The following SDK2 variants were observed in gnomAD, a reference collection of about 807,000 sequenced individuals.
SDK2 encodes the protein sidekick cell adhesion molecule 2.
In SDK2, 105 loss-of-function variants were observed where a neutral mutation model predicts 253.9. The observed-to-expected ratio is 0.41, with a 90% confidence interval of 0.35 to 0.49. SDK2 has a LOEUF of 0.49. Among genes scored for constraint, SDK2 ranks in the 20% least tolerant of loss-of-function variants. The pLI is 0.06. For missense variants in SDK2, 2,608 were observed against 3,003.0 expected, an observed-to-expected ratio of 0.87 and a Z score of 3.07; for synonymous variants, 1,249 against 1,234.9, an observed-to-expected ratio of 1.01 and a Z score of -0.24.
chr17:73,344,712 G>A (rs775001272), intron 44 of SDK2, among the ~76,000 whole-genome samples: 63 of 152,190 alleles, frequency 4.1e-4, no homozygotes, highest in Non-Finnish European at 7.2e-4. Context: ...TTTGGGCTGC[G>A]AGGATCTGGG....
At position 73,360,397 on chromosome 17, in the gene SDK2, G is replaced by A. The variant is rs143345258; in HGVS notation, c.5467+1287C>T. Among the ~76,000 whole-genome samples, 1,109 of 152,328 alleles carry A rather than the reference G, an allele frequency of 7.3e-3. 14 individuals carry two copies. The highest frequency in any genetic ancestry group is 0.025 in the African/African-American group (1,059 of 41,580). ...CTGAGTCAGGCTAATTGGGACTGCT[G>A]GGGAGGGGAGGCCTGCGCCATTCTT... is the stretch of plus-strand genomic sequence containing the variant. On this transcript the variant is annotated intron_variant, in intron 39 of 44. Transcript: ENST00000392650.
rs746281114 is a variant in SDK2, at chr17:73,365,240, GC to G, written c.5305+17del. ...GCAAAGTGGGGGGCTGGGGAGCTGT[GC>G]TGGGGGGTCCACTCACCATCCACGG... On this transcript the variant is annotated intron_variant, in intron 38 of 44. Coordinates refer to ENST00000392650, the MANE Select transcript of SDK2 (RefSeq NM_001144952.2). The G allele has an allele frequency of 6.3e-7, 1 of 1,576,416 alleles. No homozygotes were observed.
At chr17:73,454,608 C>T (rs1010743357) in intron 4 of SDK2, among the ~76,000 whole-genome samples, 3 of 152,106 alleles carry the variant, frequency 2.0e-5, no homozygotes, top group Non-Finnish European at 4.4e-5. Flanking sequence ...TGTGGCTGTC[C>T]GGAAAGAGAG....
Position 73,533,159 on chromosome 17 carries a change from G to A in SDK2, c.65-25562C>T, listed in dbSNP as rs143787929. Among the ~76,000 whole-genome samples, 7 of 152,296 alleles carry A rather than the reference G, an allele frequency of 4.6e-5. No homozygotes were observed. The East Asian group carries it at 1.4e-3, about 30-fold the overall frequency. On this transcript the variant is annotated intron_variant, in intron 1 of 44. Coordinates refer to ENST00000392650, the MANE Select transcript of SDK2 (RefSeq NM_001144952.2). The stretch of plus-strand genomic sequence containing the variant: ...CGCTCCATCAAGCAAGGCCCAGAGA[G>A]GTCCCCTCATCGGTATCCCCTTCGG...
Position 73,386,548 on chromosome 17 carries a change from C to A in SDK2, c.4395G>T (p.Arg1465Ser), listed in dbSNP as rs770757861. ...ACTTGTAGGACGTGAAGGGCTTCAG[C>A]CTGTAGGGAGAAATCAGGGCCAATG... is the stretch of plus-strand genomic sequence containing the variant. ...SHNASSFIVD[R>S]LKPFTSYKFR... The change falls in exon 31 of 45, where the codon AGG (arginine) becomes AGT (serine). Residue 1465 changes from arginine (R) to serine (S), a missense_variant and splice_region_variant. Physicochemically the swap from Arg to Ser is moderately radical, Grantham distance 110. This residue lies in a region of SDK2 where 1,103 missense variants were observed against 1,143.9 expected (regional missense o/e 0.96). Coordinates refer to ENST00000392650, the MANE Select transcript of SDK2 (RefSeq NM_001144952.2). 2 of 1,551,858 alleles carry A rather than the reference C, an allele frequency of 1.3e-6. No homozygotes were observed. The highest frequency in any genetic ancestry group is 1.4e-5 in the African/African-American group (1 of 73,094).
intron 3 of SDK2, among the ~76,000 whole-genome samples, chr17:73,466,966 C>T (rs1031509940): frequency 6.6e-6 from 1 of 152,186 alleles, no homozygotes; most frequent in Non-Finnish European, 1.5e-5. Flanking sequence ...GGACCTCCAT[C>T]CCCAAGACAT....
chr17:73,458,164 C>T (rs971638197), intron 3 of SDK2, among the ~76,000 whole-genome samples: 1 of 152,048 alleles, frequency 6.6e-6, no homozygotes, highest in African/African-American at 2.4e-5. Context: ...TTAATAGAAA[C>T]GAGGTCTTGT....
Position 73,455,923 on chromosome 17 carries a change from G to C in SDK2, c.462C>G (p.Ile154Met). 6.5e-7 allele frequency: 1 copy of C among 1,544,728 alleles called. No individual in the cohort carries two copies. The highest frequency in any genetic ancestry group is 8.7e-7 in the Non-Finnish European group (1 of 1,146,408). Residue 154 changes from isoleucine (I) to methionine (M), a missense_variant, in exon 4 of 45, where the codon ATC becomes ATG. This residue lies in a region of SDK2 where 1,505 missense variants were observed against 1,859.1 expected (regional missense o/e 0.81). Coordinates refer to ENST00000392650, the MANE Select transcript of SDK2 (RefSeq NM_001144952.2). The surrounding 1 kb of genome is among the most constrained non-coding windows in gnomAD (Gnocchi z 5.0). Reference sequence around the variant, plus strand: ...GCACTCACATGCGGCTGCTGGGCGGGATCTTGCGGCCGTCCCGGAACCAGG... The same window carrying C: ...GCACTCACATGCGGCTGCTGGGCGGCATCTTGCGGCCGTCCCGGAACCAGG... ...QVTWFRDGRK[I>M]PPSSRIAITL... is the part of the protein sequence containing the mutation.
intron 37 of SDK2, among the ~76,000 whole-genome samples, chr17:73,367,196 A>C (rs2062692581): frequency 6.6e-6 from 1 of 152,068 alleles, no homozygotes; most frequent in African/African-American, 2.4e-5. Flanking sequence ...TTAAGTACAG[A>C]TAGGGTTTCA....
At chr17:73,607,325 T>A (rs1242853549) in intron 1 of SDK2, among the ~76,000 whole-genome samples, 1 of 152,156 alleles carries the variant, frequency 6.6e-6, no homozygotes, top group Non-Finnish European at 1.5e-5. Flanking sequence ...GATTGGCACA[T>A]ATCTTAGCTG....
chr17:73,487,707 G>A (rs1482552761), intron 2 of SDK2, among the ~76,000 whole-genome samples: 2 of 152,214 alleles, frequency 1.3e-5, no homozygotes, highest in Admixed American at 1.3e-4. Flanking sequence ...ATGGAGCCAC[G>A]GGTGTGAGGG....
In SDK2 at chr17:73,360,117, C is replaced by T. The variant is rs138226341; in HGVS notation, c.5467+1567G>A. 5.4e-3 allele frequency among the ~76,000 whole-genome samples: 829 copies of T among 152,338 alleles called. 5 individuals carry two copies. Among genetic ancestry groups the T allele is most frequent in the African/African-American group, 0.019 (790 of 41,580 alleles). ...ACTGCCAACGCTTGGTCCTCAGTTG[C>T]TTGCCAGCTCTCTCTCCTACTTTTG... On this transcript the variant is annotated intron_variant, in intron 39 of 44. Transcript: ENST00000392650.
intron 1 of SDK2, among the ~76,000 whole-genome samples, chr17:73,540,758 C>G (rs1045916710): frequency 2.0e-5 from 3 of 152,192 alleles, no homozygotes; most frequent in Admixed American, 6.5e-5. Context: ...GTAGGAGAGT[C>G]TCACATTTGG....
chr17:73,341,957 T>C (rs2062440757), intron 44 of SDK2, among the ~76,000 whole-genome samples: 1 of 152,022 alleles, frequency 6.6e-6, no homozygotes, highest in Non-Finnish European at 1.5e-5. Flanking sequence ...GGTGAGGGTT[T>C]TGCTGGGGAA....
rs2063140795 is a variant in SDK2 at position 73,412,097 on chromosome 17, TA to T, written c.2484+2546del. On this transcript the variant is annotated intron_variant, in intron 18 of 44. Transcript: ENST00000392650. ...ATATATGTATATGTATATATACGTA[TA>T]TATGTATACGTATATATGTATACGT... 2.3e-5 allele frequency among the ~76,000 whole-genome samples: 3 copies of T among 129,506 alleles called. 1 individual carries two copies. Among genetic ancestry groups the T allele is most frequent in the South Asian group, 2.4e-4 (1 of 4,244 alleles). 85.0% of individuals were successfully genotyped at this position (129,506 alleles called of 152,430 possible).
At position 73,384,144 on chromosome 17, in the gene SDK2, T is replaced by C. The variant is rs1221962219; in HGVS notation, c.4570-133A>G. On this transcript the variant is annotated intron_variant, in intron 32 of 44. Coordinates refer to ENST00000392650, the MANE Select transcript of SDK2 (RefSeq NM_001144952.2). ...ACCAGGAAAAGAAATCAAGATAATA[T>C]TGGGCATTTTAAATTTACAAAGCAC... is the stretch of plus-strand genomic sequence containing the variant. The C allele has an allele frequency of 5.7e-6, 6 of 1,049,634 alleles. No homozygotes were observed. In the African/African-American group the frequency reaches 6.4e-5, roughly 11 times the overall value. 65.0% of individuals were successfully genotyped at this position (1,049,634 alleles called of 1,614,324 possible).
intron 27 of SDK2, among the ~76,000 whole-genome samples, chr17:73,392,994 C>A (rs1390634321): frequency 6.6e-6 from 1 of 152,036 alleles, no homozygotes; most frequent in East Asian, 1.9e-4. Flanking sequence ...TCTGTAATTG[C>A]AGCATGTTGG....
chr17:73,405,098 A>T (rs1373781575), intron 18 of SDK2, among the ~76,000 whole-genome samples: 1 of 124,788 alleles, frequency 8.0e-6, no homozygotes, highest in Admixed American at 8.4e-5. Context: ...AGTACTCTAC[A>T]GGGTTGAAGG....
chr17:73,628,233 G>C (rs2046227076), intron 1 of SDK2, among the ~76,000 whole-genome samples: 1 of 152,242 alleles, frequency 6.6e-6, no homozygotes, highest in African/African-American at 2.4e-5. Context: ...AGGCAGGGGG[G>C]CCAGGATGCC....
Sources: gnomAD v4.1 joint callset for allele counts (sites outside exome capture counted in the v4.1 genomes callset) on GRCh38, gnomAD v4.1.1 for gene constraint, gnomAD v4.1.1 regional missense constraint, Gnocchi (gnomAD v3.1) non-coding constraint, MANE v1.5 for transcripts, NCBI Gene and HGNC (gene_info 2026-07-23, HGNC 2026-07-21) for gene names.